The following FOXP1 variants were observed in gnomAD, a reference collection of about 807,000 sequenced individuals.
FOXP1 encodes the protein forkhead box protein P1.
FOXP1 carries 15 observed loss-of-function variants against 98.2 expected under a neutral mutation model. That is an observed-to-expected ratio of 0.15 (90% CI 0.10 to 0.24). The LOEUF is 0.24. Among genes scored for constraint, FOXP1 ranks in the 10% least tolerant of loss-of-function variants. The probability of loss-of-function intolerance (pLI) is 1.00; values close to 1 mark genes in which losing one functional copy is unlikely to be tolerated. For synonymous variants in FOXP1, 371 were observed against 314.5 expected (o/e 1.18, Z -1.90); for missense variants, 633 against 848.5 (o/e 0.75, Z 3.15).
At chr3:71,089,418 T>G (rs1481654622) in intron 7 of FOXP1, among the ~76,000 whole-genome samples, 3 of 152,122 alleles carry the variant, frequency 2.0e-5, no homozygotes, top group Non-Finnish European at 4.4e-5. Context: ...GACTGCAATC[T>G]CATGAGATGC....
intron 7 of FOXP1, among the ~76,000 whole-genome samples, chr3:71,108,634 T>G (rs967841375): frequency 6.6e-6 from 1 of 152,078 alleles, no homozygotes; most frequent in Non-Finnish European, 1.5e-5. Context: ...GGCGTGGTGG[T>G]GCATGCCTGT....
chr3:71,320,671 T>C (rs772006938), intron 4 of FOXP1, among the ~76,000 whole-genome samples: 14 of 152,150 alleles, frequency 9.2e-5, no homozygotes, highest in South Asian at 2.1e-4. Context: ...TCTATCCCAG[T>C]CTACAAAAGG....
chr3:71,084,475 T>C (rs1040460909), intron 7 of FOXP1, among the ~76,000 whole-genome samples: 1 of 152,178 alleles, frequency 6.6e-6, no homozygotes, highest in Non-Finnish European at 1.5e-5. Flanking sequence ...CTCTGCCAAA[T>C]TATGATAATC....
intron 5 of FOXP1, among the ~76,000 whole-genome samples, chr3:71,247,266 G>A (rs756551302): frequency 9.2e-5 from 14 of 152,192 alleles, no homozygotes; most frequent in Admixed American, 3.3e-4. Context: ...CTCTGGTGGC[G>A]TTTCTGTGCT....
intron 3 of FOXP1, among the ~76,000 whole-genome samples, chr3:71,387,684 T>C (rs1256216942): frequency 6.6e-6 from 1 of 152,376 alleles, no homozygotes; most frequent in African/African-American, 2.4e-5. Flanking sequence ...TATATGCATG[T>C]GTGATGATTA....
chr3:70,978,654 T>G (rs1019114270), intron 14 of FOXP1, among the ~76,000 whole-genome samples: 8 of 152,246 alleles, frequency 5.3e-5, no homozygotes, highest in Admixed American at 2.6e-4. Flanking sequence ...TGACGAGAAC[T>G]CCTGCAAATA....
chr3:71,338,978 G>A lies in FOXP1; in HGVS notation c.-73+20172C>T, dbSNP rs2076851003. Among the ~76,000 whole-genome samples the A allele has an allele frequency of 2.0e-5, 3 of 152,122 alleles. No individual in the cohort carries two copies. In the South Asian group the frequency reaches 6.2e-4, roughly 31 times the overall value. On this transcript the variant is annotated intron_variant, in intron 4 of 20. Transcript: ENST00000649528. ...TAGGATGGTTTAAGGGGAAAAAGAA[G>A]AAAAAGAAAACCACTAACAGGGTCT... is the stretch of plus-strand genomic sequence containing the variant.
At chr3:71,025,775 C>T (rs1037552087) in intron 11 of FOXP1, among the ~76,000 whole-genome samples, 12 of 152,270 alleles carry the variant, frequency 7.9e-5, no homozygotes, top group African/African-American at 2.4e-4. Flanking sequence ...AGATATTACA[C>T]TGATCAAGAT....
At chr3:71,582,311 G>A (rs1447130308) in intron 1 of FOXP1, 1 of 973,390 alleles carries the variant, frequency 1.0e-6, no homozygotes, top group Non-Finnish European at 1.2e-6. Context: ...GCGGGGGCGA[G>A]GGAAGGCGGA....
intron 1 of FOXP1, among the ~76,000 whole-genome samples, chr3:71,582,980 A>T (rs1348790209): frequency 6.6e-6 from 1 of 151,996 alleles, no homozygotes; most frequent in East Asian, 1.9e-4. Flanking sequence ...CCGCGGGGAA[A>T]GAAGGGGAAA....
At chr3:70,983,450 G>A (rs1384694916) in intron 14 of FOXP1, among the ~76,000 whole-genome samples, 2 of 151,980 alleles carry the variant, frequency 1.3e-5, no homozygotes, top group Non-Finnish European at 2.9e-5. Context: ...CTTTTCGGGG[G>A]GGCACTTTGT....
chr3:71,297,275 T>C (rs1182974938), intron 5 of FOXP1, among the ~76,000 whole-genome samples: 1 of 152,182 alleles, frequency 6.6e-6, no homozygotes, highest in Non-Finnish European at 1.5e-5. Context: ...TTTTGTAATA[T>C]AGACTATTTT....
chr3:71,354,249 G>C (rs2078004530), intron 4 of FOXP1, among the ~76,000 whole-genome samples: 1 of 151,706 alleles, frequency 6.6e-6, no homozygotes, highest in Middle Eastern at 3.2e-3. Flanking sequence ...CTGCGCTCCA[G>C]CCTGGGTGAC....
chr3:71,234,134 G>A (rs554089657), intron 5 of FOXP1, among the ~76,000 whole-genome samples: 2 of 148,942 alleles, frequency 1.3e-5, no homozygotes, highest in African/African-American at 5.0e-5. Context: ...CATTAAAATC[G>A]CTTTTACATG....
intron 7 of FOXP1, chr3:71,065,858 G>A (rs2052420515): frequency 6.6e-6 from 1 of 151,946 alleles, no homozygotes; most frequent in African/African-American, 2.4e-5. Context: ...AGTCAACAAT[G>A]TGCTAAACTT....
intron 2 of FOXP1, among the ~76,000 whole-genome samples, chr3:71,514,062 T>C (rs990343565): frequency 1.3e-5 from 2 of 152,154 alleles, no homozygotes; most frequent in African/African-American, 4.8e-5. Flanking sequence ...TAGACACTTG[T>C]CTCTATATTT....
At chr3:70,966,771 A>G (rs1286952837) in intron 19 of FOXP1, among the ~76,000 whole-genome samples, 1 of 152,242 alleles carries the variant, frequency 6.6e-6, no homozygotes, top group East Asian at 1.9e-4. Context: ...TCAATATTAA[A>G]GGTTACAAAG....
At chr3:71,233,852 G>A (rs1200492849) in intron 5 of FOXP1, among the ~76,000 whole-genome samples, 1 of 152,134 alleles carries the variant, frequency 6.6e-6, no homozygotes, top group African/African-American at 2.4e-5. Flanking sequence ...GAGAACTTAA[G>A]ACCTTGGTAA....
intron 2 of FOXP1, among the ~76,000 whole-genome samples, chr3:71,548,764 A>AC (rs999619087): frequency 2.8e-4 from 42 of 147,966 alleles, no homozygotes; most frequent in African/African-American, 9.2e-4. Flanking sequence ...CTTGGCCTTT[A>AC]CCCCCCCAAA....
Sources: gnomAD v4.1 joint callset for allele counts (sites outside exome capture counted in the v4.1 genomes callset) on GRCh38, gnomAD v4.1.1 for gene constraint, MANE v1.5 for transcripts, NCBI Gene and HGNC (gene_info 2026-07-23, HGNC 2026-07-21) for gene names.